The following DGKB variants were observed in gnomAD, a reference collection of about 807,000 sequenced individuals.
DGKB encodes 90 kDa diacylglycerol kinase.
Under a neutral mutation model 114.3 loss-of-function variants are expected in DGKB, and 67 were observed. The observed-to-expected ratio is 0.59, with a 90% CI of 0.48 to 0.72. The LOEUF (loss-of-function observed/expected upper bound fraction) is 0.72. DGKB is among the 30% of genes least tolerant of loss of function. The pLI, the probability that DGKB is intolerant of heterozygous loss-of-function variation, is 0.00. For missense variants in DGKB, 907 were observed against 975.2 expected (o/e 0.93, Z 0.93); for synonymous variants, 398 against 323.1 (o/e 1.23, Z -2.49).
At chr7:14,725,504 G>A (rs1469830435) in intron 5 of DGKB, among the ~76,000 whole-genome samples, 1 of 151,680 alleles carries the variant, frequency 6.6e-6, no homozygotes, top group African/African-American at 2.4e-5. Flanking sequence ...AAATTTCACT[G>A]TACAGATATT....
rs1014099215 is a variant in DGKB, at chr7:14,400,582, T to A, written c.1836-55191A>T. 2.6e-5 allele frequency among the ~76,000 whole-genome samples: 4 copies of A among 151,734 alleles called. No homozygotes were observed. The Admixed American group carries it at 2.6e-4, about 10-fold the overall frequency. ...AAATAATCCTGCTTTTCAGCGTACA[T>A]TCAAACTTTTTTTTATTTCCAGTAT... On this transcript the variant is annotated intron_variant, in intron 21 of 25. Transcript: ENST00000402815.
intron 1 of DGKB, among the ~76,000 whole-genome samples, chr7:14,857,033 C>A (rs150477314): frequency 2.6e-4 from 40 of 152,250 alleles, no homozygotes; most frequent in Middle Eastern, 6.8e-3. Flanking sequence ...TCATTCCCTA[C>A]ATTAGATGAC....
intron 20 of DGKB, among the ~76,000 whole-genome samples, chr7:14,526,239 C>T (rs912856965): frequency 2.0e-5 from 3 of 151,968 alleles, no homozygotes; most frequent in African/African-American, 4.8e-5. Flanking sequence ...CAGTCTGAGC[C>T]GGATTCTTCG....
At chr7:14,190,701 A>G (rs1208182892) in intron 23 of DGKB, 1 of 152,200 alleles carries the variant, frequency 6.6e-6, no homozygotes, top group Non-Finnish European at 1.5e-5. Flanking sequence ...AAAATCAAGG[A>G]TGAAGTAGGA....
rs1245514990 is a variant in DGKB at position 14,437,007 on chromosome 7, C to A, written c.1835+41154G>T. Among the ~76,000 whole-genome samples the A allele has an allele frequency of 3.9e-5, 6 of 152,130 alleles. No homozygotes were observed. In the East Asian group the frequency reaches 9.7e-4, roughly 25 times the overall value. On this transcript the variant is annotated intron_variant, in intron 21 of 25. Transcript: ENST00000402815. ...TTCTTAATGAACATAACTCCATTGG[C>A]ATTTGGCATTTTTTCCTCTTTCTTG...
At chr7:14,370,246 C>A (rs1817408226) in intron 21 of DGKB, among the ~76,000 whole-genome samples, 1 of 152,140 alleles carries the variant, frequency 6.6e-6, no homozygotes, top group African/African-American at 2.4e-5. Flanking sequence ...TGTCAAAGAT[C>A]AGATGGTTGT....
At chr7:14,942,893 T>G (rs185598582) in intron 1 of DGKB, among the ~76,000 whole-genome samples, 33 of 152,176 alleles carry the variant, frequency 2.2e-4, no homozygotes, top group Admixed American at 2.0e-3. Context: ...CTTACTTAAT[T>G]TGTCTCAAAG....
chr7:14,786,139 T>TACACACAC (rs367551082), intron 2 of DGKB, among the ~76,000 whole-genome samples: 48 of 148,554 alleles, frequency 3.2e-4, no homozygotes, highest in Admixed American at 8.1e-4. Context: ...CAGGAACATG[T>TACACACAC]ACACACACAC....
chr7:14,482,529 T>C (rs939925771), intron 20 of DGKB, among the ~76,000 whole-genome samples: 8 of 152,044 alleles, frequency 5.3e-5, no homozygotes, highest in Admixed American at 1.3e-4. Flanking sequence ...AAATTAACAA[T>C]GTGAGATAGA....
At chr7:14,746,203 A>C (rs1833262712) in intron 4 of DGKB, among the ~76,000 whole-genome samples, 1 of 152,122 alleles carries the variant, frequency 6.6e-6, no homozygotes, top group Non-Finnish European at 1.5e-5. Flanking sequence ...GCATGGTGGC[A>C]TGTGCCTATT....
intron 18 of DGKB, among the ~76,000 whole-genome samples, chr7:14,581,803 T>C (rs918201239): frequency 1.3e-5 from 2 of 152,212 alleles, no homozygotes; most frequent in African/African-American, 4.8e-5. Flanking sequence ...TAAGAATTCC[T>C]GCTGTTTTTC....
intron 13 of DGKB, among the ~76,000 whole-genome samples, chr7:14,631,790 G>A (rs192210291): frequency 5.5e-4 from 84 of 152,020 alleles, no homozygotes; most frequent in African/African-American, 1.8e-3. Context: ...TGAAGCTTAA[G>A]GTCTGAATAA....
At chr7:14,486,685 G>A (rs1489875375) in intron 20 of DGKB, among the ~76,000 whole-genome samples, 3 of 152,268 alleles carry the variant, frequency 2.0e-5, no homozygotes, top group African/African-American at 7.2e-5. Flanking sequence ...AGGGCAGAGA[G>A]AATATCTAGA....
Position 14,149,241 on chromosome 7 carries a change from A to AG in DGKB, c.2305-4dup. The AG allele has an allele frequency of 6.2e-7, 1 of 1,602,040 alleles. No individual in the cohort carries two copies. ...TGGTTCTTGTGTGTAATTTTTATCT[A>AG]GAAAAAAAGAGAGAGAGAGAGAGAG... On this transcript the variant is annotated splice_region_variant and splice_polypyrimidine_tract_variant and intron_variant, in intron 25 of 25. Coordinates refer to ENST00000402815, the MANE Select transcript of DGKB (RefSeq NM_001350709.2).
intron 21 of DGKB, among the ~76,000 whole-genome samples, chr7:14,417,612 A>G (rs1327686936): frequency 1.3e-5 from 2 of 152,024 alleles, no homozygotes; most frequent in African/African-American, 2.4e-5. Context: ...AACTCCCTAA[A>G]TAATAATCTG....
intron 21 of DGKB, among the ~76,000 whole-genome samples, chr7:14,460,148 C>A (rs1413695334): frequency 2.0e-5 from 3 of 152,086 alleles, no homozygotes; most frequent in African/African-American, 7.2e-5. Context: ...AAAAGCATAC[C>A]AAATTGTAAA....
At chr7:14,894,569 A>C (rs927626144) in intron 1 of DGKB, among the ~76,000 whole-genome samples, 1 of 151,568 alleles carries the variant, frequency 6.6e-6, no homozygotes. Flanking sequence ...AGCCATAAAG[A>C]ATAGCAATAT....
intron 13 of DGKB, among the ~76,000 whole-genome samples, chr7:14,653,547 C>T (rs910161523): frequency 1.3e-5 from 2 of 151,870 alleles, no homozygotes; most frequent in African/African-American, 4.8e-5. Flanking sequence ...GGAGATATAC[C>T]TAATGCTAGA....
intron 2 of DGKB, among the ~76,000 whole-genome samples, chr7:14,837,949 C>T (rs1456968963): frequency 6.6e-6 from 1 of 152,098 alleles, no homozygotes; most frequent in African/African-American, 2.4e-5. Context: ...ATGGAATTGG[C>T]ACTATTTCTT....
Sources: allele counts gnomAD v4.1 joint callset (sites outside exome capture counted in the v4.1 genomes callset), GRCh38; gene constraint gnomAD v4.1.1; transcripts MANE v1.5; gene names NCBI Gene and HGNC (gene_info 2026-07-23, HGNC 2026-07-21).